The following CDK14 variants were observed in gnomAD, a reference collection of about 807,000 sequenced individuals.
CDK14 encodes the protein cyclin dependent kinase 14, also known as cyclin-dependent kinase 14.
In CDK14, 34 loss-of-function variants were observed where a neutral mutation model predicts 60.7. The observed-to-expected ratio is 0.56, with a 90% CI of 0.43 to 0.75. CDK14 has a LOEUF of 0.75. Among genes scored for constraint, CDK14 ranks in the 30% least tolerant of loss-of-function variants. CDK14 has a pLI of 0.00. For missense variants in CDK14, 482 were observed against 564.1 expected (o/e 0.85, Z 1.47); for synonymous variants, 197 against 203.7 (o/e 0.97, Z 0.28).
At chr7:91,101,630 A>G (rs1799147780) in intron 12 of CDK14, among the ~76,000 whole-genome samples, 1 of 152,152 alleles carries the variant, frequency 6.6e-6, no homozygotes, top group Non-Finnish European at 1.5e-5. Flanking sequence ...CCAGTGTTAA[A>G]CAACTCTGTG....
At chr7:90,789,711 C>A (rs532235596) in intron 4 of CDK14, among the ~76,000 whole-genome samples, 109 of 152,170 alleles carry the variant, frequency 7.2e-4, no homozygotes, top group African/African-American at 2.4e-3. Flanking sequence ...TGGAACCAAT[C>A]CACTGAGGAT....
At chr7:90,600,858 G>C (rs1799300733) in intron 1 of CDK14, among the ~76,000 whole-genome samples, 2 of 152,156 alleles carry the variant, frequency 1.3e-5, no homozygotes, top group African/African-American at 4.8e-5. Flanking sequence ...CATTGAGGTA[G>C]GACTCATTAA....
intron 3 of CDK14, among the ~76,000 whole-genome samples, chr7:90,739,417 AT>A (rs920668152): frequency 3.9e-5 from 6 of 152,038 alleles, no homozygotes; most frequent in Admixed American, 2.6e-4. Flanking sequence ...TTTTATTAAA[AT>A]TTTTTTTGTT....
At chr7:90,917,847 C>A in intron 8 of CDK14, 123 bp downstream of exon 8, 3 of 945,048 alleles carry the variant, frequency 3.2e-6, no homozygotes, top group East Asian at 2.6e-5. Context: ...TTTTTTTTTT[C>A]TGAAATGAAG....
intron 14 of CDK14, among the ~76,000 whole-genome samples, chr7:91,148,485 T>C (rs1294527375): frequency 1.3e-5 from 2 of 152,014 alleles, no homozygotes; most frequent in Non-Finnish European, 2.9e-5. Context: ...GCTTCCTGGG[T>C]GGGTATGAAG....
chr7:90,912,745 C>A (rs1179337599), intron 7 of CDK14, among the ~76,000 whole-genome samples: 1 of 152,042 alleles, frequency 6.6e-6, no homozygotes, highest in Non-Finnish European at 1.5e-5. Flanking sequence ...GTAGCTAGGA[C>A]TGCAGGCACA....
intron 5 of CDK14, among the ~76,000 whole-genome samples, chr7:90,838,998 G>A (rs113763616): frequency 4.6e-5 from 7 of 151,998 alleles, no homozygotes; most frequent in African/African-American, 1.7e-4. Context: ...TTGCAGCTAG[G>A]GGTCGCCATC....
At chr7:90,898,894 A>C (rs1792416600) in intron 6 of CDK14, among the ~76,000 whole-genome samples, 1 of 152,002 alleles carries the variant, frequency 6.6e-6, no homozygotes, top group South Asian at 2.1e-4. Context: ...TTTTTATCTC[A>C]TATAAAATAA....
intron 12 of CDK14, among the ~76,000 whole-genome samples, chr7:91,092,883 G>C (rs1249955554): frequency 6.6e-6 from 1 of 152,124 alleles, no homozygotes; most frequent in Non-Finnish European, 1.5e-5. Context: ...CGATCTTTTT[G>C]AAAGAATATC....
intron 2 of CDK14, among the ~76,000 whole-genome samples, chr7:90,652,536 C>T (rs1782551761): frequency 6.6e-6 from 1 of 152,152 alleles, no homozygotes; most frequent in Non-Finnish European, 1.5e-5. Flanking sequence ...TCAGCTCTTG[C>T]CTGCCTTGAA....
At chr7:90,987,081 C>A (rs1795392394) in intron 10 of CDK14, among the ~76,000 whole-genome samples, 1 of 151,924 alleles carries the variant, frequency 6.6e-6, no homozygotes. Context: ...AATTTATTGA[C>A]ATAGCTTTGT....
At chr7:91,026,424 CTT>C (rs1480430760) in intron 10 of CDK14, among the ~76,000 whole-genome samples, 2 of 152,098 alleles carry the variant, frequency 1.3e-5, no homozygotes, top group African/African-American at 4.8e-5. Context: ...GAAAACAACT[CTT>C]AAAGTAATCA....
intron 6 of CDK14, among the ~76,000 whole-genome samples, chr7:90,893,238 C>G (rs187025741): frequency 4.6e-5 from 7 of 151,960 alleles, no homozygotes; most frequent in African/African-American, 1.7e-4. Flanking sequence ...TAAGGCATAG[C>G]AATGGTGATG....
intron 10 of CDK14, among the ~76,000 whole-genome samples, chr7:91,043,588 C>A (rs1459780860): frequency 1.3e-5 from 2 of 152,070 alleles, no homozygotes; most frequent in Non-Finnish European, 2.9e-5. Context: ...TTATCATAAT[C>A]GTTTATGTCA....
At chr7:90,777,735 A>G (rs1805110528) in intron 4 of CDK14, among the ~76,000 whole-genome samples, 1 of 152,172 alleles carries the variant, frequency 6.6e-6, no homozygotes, top group African/African-American at 2.4e-5. Flanking sequence ...CCTCTATTCC[A>G]CTGCTTCCAA....
At chr7:91,023,873 G>A (rs185322133) in intron 10 of CDK14, among the ~76,000 whole-genome samples, 85 of 152,144 alleles carry the variant, frequency 5.6e-4, no homozygotes, top group African/African-American at 1.9e-3. Context: ...CCTGGGTTCA[G>A]GCAATTCTCC....
intron 5 of CDK14, among the ~76,000 whole-genome samples, chr7:90,810,889 T>C (rs987725169): frequency 1.1e-4 from 16 of 151,562 alleles, no homozygotes; most frequent in Admixed American, 2.6e-4. Context: ...GAATAAAATA[T>C]CTAGGAATCC....
At chr7:90,852,064 A>G (rs7808922) in intron 5 of CDK14, among the ~76,000 whole-genome samples, 1,622 of 152,148 alleles carry the variant, frequency 0.011, 31 homozygotes, top group African/African-American at 0.037. Context: ...ATGCCCAGCT[A>G]ATTTTTATTT....
chr7:90,624,473 A>T (rs1161033109), intron 2 of CDK14, among the ~76,000 whole-genome samples: 2 of 152,216 alleles, frequency 1.3e-5, no homozygotes, highest in African/African-American at 4.8e-5. Context: ...AAGTTTACAT[A>T]GCAGTGAGAA....
Sources: allele counts gnomAD v4.1 joint callset (sites outside exome capture counted in the v4.1 genomes callset), GRCh38; gene constraint gnomAD v4.1.1; transcripts MANE v1.5; gene names NCBI Gene and HGNC (gene_info 2026-07-23, HGNC 2026-07-21).